INSYN2A: variants seen among roughly 807,000 people sequenced by gnomAD.
INSYN2A encodes family with sequence similarity 196 member A.
In INSYN2A, 17 loss-of-function variants were observed where a neutral mutation model predicts 39.4. That is an observed-to-expected ratio of 0.43 (90% CI 0.30 to 0.65). The LOEUF (loss-of-function observed/expected upper bound fraction) is 0.65, where lower values mean the gene tolerates loss of function less well. Ranked by LOEUF, INSYN2A falls within the 30% of genes least tolerant of loss-of-function variation. The pLI, the probability that INSYN2A is intolerant of heterozygous loss-of-function variation, is 0.14. For missense variants in INSYN2A, 595 were observed against 631.2 expected, an observed-to-expected ratio of 0.94 and a Z score of 0.61; for synonymous variants, 255 against 265.7, an observed-to-expected ratio of 0.96 and a Z score of 0.39.
intron 5 of INSYN2A, among the ~76,000 whole-genome samples, chr10:127,152,213 T>C (rs923998231): frequency 5.3e-5 from 8 of 152,204 alleles, no homozygotes; most frequent in Admixed American, 3.3e-4. Flanking sequence ...CTTCCTAACG[T>C]ACTGATGTTC....
Position 127,176,351 on chromosome 10 carries a change from C to G in INSYN2A, c.45G>C (p.Glu15Asp), listed in dbSNP as rs541317255. The G allele has an allele frequency of 1.7e-5, 28 of 1,613,530 alleles. No homozygotes were observed. In the African/African-American group the frequency reaches 3.1e-4, roughly 18 times the overall value. The change falls in exon 4 of 6, where the codon GAG (glutamate) becomes GAC (aspartate). Residue 15 changes from glutamate (E) to aspartate (D), a missense_variant. Glu to Asp is a conservative substitution (Grantham distance 45). Around this residue, in one of 2 missense-constraint regions of INSYN2A, gnomAD observed 478 missense variants for 467.4 expected, o/e 1.02. Coordinates refer to ENST00000522781, the MANE Select transcript of INSYN2A (RefSeq NM_001039762.3). The surrounding 1 kb of genome is among the most constrained non-coding windows in gnomAD (Gnocchi z 4.4). Reference protein sequence around the residue: ...DTGKCILTTSESEVEPAACLA... With the variant: ...DTGKCILTTSDSEVEPAACLA... ...GGCAGGCGGCGGGTTCCACTTCACTCTCCGACGTTGTGAGTATGCATTTGC... is the reference window on the plus strand; with the variant it reads ...GGCAGGCGGCGGGTTCCACTTCACTGTCCGACGTTGTGAGTATGCATTTGC...
intron 2 of INSYN2A, among the ~76,000 whole-genome samples, chr10:127,186,503 A>ACCCCCCCCCCCCCCCCCCCCCCC (rs1564883520): frequency 5.3e-5 from 1 of 18,746 alleles, no homozygotes; most frequent in Non-Finnish European, 1.4e-4. Flanking sequence ...GCATGGGAGA[A>ACCCCCCCCCCCCCCCCCCCCCCC]ACCGCCCCCC....
Position 127,175,537 on chromosome 10 carries a change from C to A in INSYN2A, c.859G>T (p.Glu287Ter). 6.2e-7 allele frequency: 1 copy of A among 1,610,622 alleles called. No homozygotes were observed. The highest frequency in any genetic ancestry group is 1.1e-5 in the South Asian group (1 of 91,072). ...SQWSLCPADDERRRATHLNGL... is the reference protein window; with the variant it reads ...SQWSLCPADD ...TTGAGATGTGTGGCTCTCCTCCGCT[C>A]GTCATCTGCCGGGCAGAGTGACCAC... The change falls in exon 4 of 6, where the codon GAG becomes TAG. Residue 287 changes from glutamate (E) to a stop codon, truncating the protein, a stop_gained. Transcript: ENST00000522781. LOFTEE classifies it high-confidence loss of function. The surrounding 1 kb of genome is among the most constrained non-coding windows in gnomAD (Gnocchi z 6.3).
intron 5 of INSYN2A, among the ~76,000 whole-genome samples, chr10:127,141,310 G>T (rs972199777): frequency 2.0e-5 from 3 of 152,172 alleles, no homozygotes; most frequent in South Asian, 2.1e-4. Flanking sequence ...ATGCCATGCG[G>T]TCATCCTCTT....
At chr10:127,183,609 G>A (rs1464722843) in intron 2 of INSYN2A, among the ~76,000 whole-genome samples, 1 of 152,180 alleles carries the variant, frequency 6.6e-6, no homozygotes, top group East Asian at 1.9e-4. Flanking sequence ...GTTAGTGCTT[G>A]TAATCTTCTC....
intron 2 of INSYN2A, among the ~76,000 whole-genome samples, chr10:127,191,287 G>C (rs2056740043): frequency 6.6e-6 from 1 of 152,056 alleles, no homozygotes; most frequent in Non-Finnish European, 1.5e-5. Context: ...TCCTGGACTT[G>C]AGCTTCTTGG....
Position 127,176,188 on chromosome 10 carries a change from C to T in INSYN2A, c.208G>A (p.Gly70Arg), listed in dbSNP as rs889229055. 2.5e-6 allele frequency: 4 copies of T among 1,614,020 alleles called. No homozygotes were observed. In the African/African-American group the frequency reaches 5.3e-5, roughly 22 times the overall value. Residue 70 changes from glycine (G) to arginine (R), a missense_variant, in exon 4 of 6, where the codon GGG (glycine) becomes AGG (arginine). Gly to Arg is a moderately radical substitution (Grantham distance 125). This residue lies in a region of INSYN2A where 478 missense variants were observed against 467.4 expected (regional missense o/e 1.02). Transcript: ENST00000522781. This position sits in a 1 kb window ranked among gnomAD's most constrained non-coding sequence, Gnocchi z 4.4. ...RDTQLSSGQL[G>R]EKREAKPVSC... Reference sequence around the variant, plus strand: ...ACGGGCTTGGCCTCCCGCTTCTCCCCCAGCTGGCCCGAGGACAGCTGTGTG... The same window carrying T: ...ACGGGCTTGGCCTCCCGCTTCTCCCTCAGCTGGCCCGAGGACAGCTGTGTG...
intron 4 of INSYN2A, among the ~76,000 whole-genome samples, chr10:127,158,292 T>G (rs1215110272): frequency 6.6e-6 from 1 of 152,116 alleles, no homozygotes; most frequent in Non-Finnish European, 1.5e-5. Flanking sequence ...CCTAAAAACT[T>G]TAAACTGCTA....
At chr10:127,195,425 C>T (rs1178847461) in intron 1 of INSYN2A, among the ~76,000 whole-genome samples, 4 of 152,066 alleles carry the variant, frequency 2.6e-5, no homozygotes, top group African/African-American at 9.7e-5. Context: ...CCAACCCCAG[C>T]GAGTGGAGGA....
At chr10:127,162,871 G>A (rs1222623740) in intron 4 of INSYN2A, among the ~76,000 whole-genome samples, 1 of 152,118 alleles carries the variant, frequency 6.6e-6, no homozygotes, top group Non-Finnish European at 1.5e-5. Flanking sequence ...CACAGGTCTC[G>A]CCCCCAGACA....
chr10:127,176,488 A>G lies in INSYN2A; in HGVS notation c.-5-88T>C, dbSNP rs2055173487. 9.3e-7 allele frequency: 1 copy of G among 1,079,380 alleles called. No homozygotes were observed. The highest frequency in any genetic ancestry group is 1.6e-5 in the African/African-American group (1 of 64,004). 66.9% of individuals were successfully genotyped at this position (1,079,380 alleles called of 1,614,324 possible). On this transcript the variant is annotated intron_variant, in intron 3 of 5. Transcript: ENST00000522781. The surrounding 1 kb of genome is among the most constrained non-coding windows in gnomAD (Gnocchi z 4.4). The stretch of plus-strand genomic sequence containing the variant: ...GCACAAACTTTTAGCCACCACGACG[A>G]CTGCCTGTTTCCTAATTATATTTAA...
chr10:127,156,335 C>T (rs1457514713), intron 4 of INSYN2A, among the ~76,000 whole-genome samples: 1 of 152,076 alleles, frequency 6.6e-6, no homozygotes, highest in African/African-American at 2.4e-5. Flanking sequence ...CTCCCTGTCA[C>T]CTTGCTTGTA....
Position 127,175,231 on chromosome 10 carries a change from C to T in INSYN2A, c.1165G>A (p.Gly389Arg). Residue 389 changes from glycine (G) to arginine (R), a missense_variant, in exon 4 of 6, where the codon GGA (glycine) becomes AGA (arginine). Gly to Arg is a moderately radical substitution (Grantham distance 125). Coordinates refer to ENST00000522781, the MANE Select transcript of INSYN2A (RefSeq NM_001039762.3). The surrounding 1 kb of genome is among the most constrained non-coding windows in gnomAD (Gnocchi z 6.3). ...ACATACCCTTCCCGATGGGCCTCTC[C>T]TTTTTCCAACTCCTGAATGACCCCC... ...LLGVIQELEK[G>R]EAHREGLSYR... 6.2e-7 allele frequency: 1 copy of T among 1,613,674 alleles called. No homozygotes were observed. Among genetic ancestry groups the T allele is most frequent in the Non-Finnish European group, 8.5e-7 (1 of 1,179,776 alleles).
chr10:127,177,085 A>G lies in INSYN2A; in HGVS notation c.-214T>C, dbSNP rs1406714209. 1 of 152,048 alleles carries G rather than the reference A, an allele frequency of 6.6e-6. No homozygotes were observed. Among genetic ancestry groups the G allele is most frequent in the African/African-American group, 2.4e-5 (1 of 41,378 alleles). The allele number at this position is 152,048 out of a possible 1,614,324, so 9.4% of individuals were successfully genotyped here. A position where few individuals can be genotyped will look rare whatever the true frequency, so the allele number is the denominator to read the frequency against. ...GAACGTGGGTTTCCCTGCATCTACA[A>G]AGGCCATGTTTGCAACTCCTTTTAT... On this transcript the variant is annotated 5_prime_UTR_variant, in exon 3 of 6. Transcript: ENST00000522781.
chr10:127,194,403 T>C (rs1463816319), intron 1 of INSYN2A, among the ~76,000 whole-genome samples: 2 of 152,214 alleles, frequency 1.3e-5, no homozygotes, highest in African/African-American at 4.8e-5. Context: ...TTGCTAATCA[T>C]TCTTGCAAAA....
At chr10:127,193,920 C>CT (rs2056923167) in intron 1 of INSYN2A, among the ~76,000 whole-genome samples, 1 of 152,160 alleles carries the variant, frequency 6.6e-6, no homozygotes, top group East Asian at 1.9e-4. Flanking sequence ...AGCTTCCCAG[C>CT]TTTTGCCTTG....
At position 127,176,061 on chromosome 10, in the gene INSYN2A, T is replaced by C. The variant is rs748631088; in HGVS notation, c.335A>G (p.Lys112Arg). 12 of 1,614,168 alleles carry C rather than the reference T, an allele frequency of 7.4e-6. No homozygotes were observed. The East Asian group carries it at 1.6e-4, about 21-fold the overall frequency. The change falls in exon 4 of 6, where the codon AAG becomes AGG. Residue 112 changes from lysine to arginine, a missense_variant. Coordinates refer to ENST00000522781, the MANE Select transcript of INSYN2A (RefSeq NM_001039762.3). This position sits in a 1 kb window ranked among gnomAD's most constrained non-coding sequence, Gnocchi z 4.4. ...CAGAGGGAACGTCTGGTAACACTTCTTAAGGTCGGGCGAGGTCTGCACGCC... is the reference window on the plus strand; with the variant it reads ...CAGAGGGAACGTCTGGTAACACTTCCTAAGGTCGGGCGAGGTCTGCACGCC... ...STGVQTSPDLKKCYQTFPLDR... is the reference protein window; with the variant it reads ...STGVQTSPDLRKCYQTFPLDR...
chr10:127,136,876 C>T lies in INSYN2A; in HGVS notation c.*961G>A, dbSNP rs1412898730. 6.6e-6 allele frequency: 1 copy of T among 152,556 alleles called. No individual in the cohort carries two copies. Among genetic ancestry groups the T allele is most frequent in the Non-Finnish European group, 1.5e-5 (1 of 68,020 alleles). The allele number at this position is 152,556 out of a possible 1,614,324, so 9.5% of individuals were successfully genotyped here. On this transcript the variant is annotated 3_prime_UTR_variant, in exon 6 of 6. Coordinates refer to ENST00000522781, the MANE Select transcript of INSYN2A (RefSeq NM_001039762.3). ...ATAACGAATTGTACATAACGTCTGG[C>T]TGCACTTACCATGGCTAACAGTGTC...
chr10:127,146,637 C>T (rs2051882453), intron 5 of INSYN2A, among the ~76,000 whole-genome samples: 1 of 152,154 alleles, frequency 6.6e-6, no homozygotes, highest in Non-Finnish European at 1.5e-5. Flanking sequence ...ACCATAAATA[C>T]TAAGAACAGA....
Sources: gnomAD v4.1 joint callset for allele counts (sites outside exome capture counted in the v4.1 genomes callset) on GRCh38, gnomAD v4.1.1 for gene constraint, gnomAD v4.1.1 regional missense constraint, Gnocchi (gnomAD v3.1) non-coding constraint, MANE v1.5 for transcripts, NCBI Gene and HGNC (gene_info 2026-07-23, HGNC 2026-07-21) for gene names.